The following CTNNA2 variants were observed in gnomAD, a reference collection of about 807,000 sequenced individuals.
CTNNA2 encodes the protein catenin alpha-2.
In CTNNA2, 42 loss-of-function variants were observed where a neutral mutation model predicts 101.0. The ratio of observed to expected loss-of-function variants is 0.42; its 90% CI spans 0.32 to 0.54. The LOEUF is 0.54. Ranked by LOEUF, CTNNA2 falls within the 20% of genes least tolerant of loss-of-function variation. The probability of loss-of-function intolerance (pLI) is 0.14; values close to 1 mark genes in which losing one functional copy is unlikely to be tolerated. For synonymous variants in CTNNA2, 450 were observed against 456.4 expected, an observed-to-expected ratio of 0.99 and a Z score of 0.18; for missense variants, 871 against 1,223.1, an observed-to-expected ratio of 0.71 and a Z score of 4.29.
intron 2 of CTNNA2, among the ~76,000 whole-genome samples, chr2:79,207,312 G>A (rs928251453): frequency 3.9e-5 from 6 of 152,062 alleles, no homozygotes; most frequent in East Asian, 1.9e-4. Context: ...TCAAAGCCCC[G>A]GTTTCACCTA....
chr2:80,256,827 A>G (rs1672201531), intron 7 of CTNNA2, among the ~76,000 whole-genome samples: 5 of 152,168 alleles, frequency 3.3e-5, no homozygotes, highest in Admixed American at 3.3e-4. Flanking sequence ...TCACAGCTTG[A>G]ACAACAAGAA....
chr2:80,305,904 T>G (rs1300347162), intron 7 of CTNNA2, among the ~76,000 whole-genome samples: 2 of 152,176 alleles, frequency 1.3e-5, no homozygotes, highest in African/African-American at 2.4e-5. Context: ...CTCCACTGTT[T>G]GAATTCCCAT....
intron 7 of CTNNA2, among the ~76,000 whole-genome samples, chr2:80,177,857 T>G (rs557104054): frequency 6.6e-6 from 1 of 152,298 alleles, no homozygotes; most frequent in African/African-American, 2.4e-5. Flanking sequence ...TGAATGAGTA[T>G]ATAATCACAC....
chr2:79,275,735 A>C (rs2104315483), intron 2 of CTNNA2, among the ~76,000 whole-genome samples: 1 of 152,202 alleles, frequency 6.6e-6, no homozygotes, highest in Non-Finnish European at 1.5e-5. Flanking sequence ...ATATAAAATT[A>C]ACTTTTATTT....
chr2:80,260,700 A>G (rs2149122283), intron 7 of CTNNA2, among the ~76,000 whole-genome samples: 1 of 152,350 alleles, frequency 6.6e-6, no homozygotes, highest in Admixed American at 6.5e-5. Flanking sequence ...AGCAGAAAAG[A>G]TAAGCCAAGT....
intron 2 of CTNNA2, among the ~76,000 whole-genome samples, chr2:79,666,154 T>C (rs901876157): frequency 6.6e-6 from 1 of 152,238 alleles, no homozygotes; most frequent in African/African-American, 2.4e-5. Flanking sequence ...ACTTTTGCAT[T>C]TTTTAAAAAT....
At chr2:79,945,384 A>T (rs1688427048) in intron 7 of CTNNA2, among the ~76,000 whole-genome samples, 3 of 152,098 alleles carry the variant, frequency 2.0e-5, no homozygotes. Context: ...AGGTAATAAT[A>T]CTCCTTGTAT....
chr2:79,781,518 A>G (rs1290927175), intron 3 of CTNNA2, among the ~76,000 whole-genome samples: 2 of 152,194 alleles, frequency 1.3e-5, no homozygotes, highest in East Asian at 1.9e-4. Context: ...GCTTTAGTGT[A>G]TAGCCCATTT....
chr2:79,670,463 C>G (rs1012864895), intron 2 of CTNNA2, among the ~76,000 whole-genome samples: 5 of 152,168 alleles, frequency 3.3e-5, no homozygotes, highest in Admixed American at 3.3e-4. Context: ...ACTCAGAAGA[C>G]TGACTCCATG....
At chr2:79,368,999 T>G (rs1296611990) in intron 3 of CTNNA2, among the ~76,000 whole-genome samples, 1 of 152,166 alleles carries the variant, frequency 6.6e-6, no homozygotes, top group Non-Finnish European at 1.5e-5. Flanking sequence ...TGCTTAACCT[T>G]AGCTGGGGGA....
chr2:79,331,723 G>T (rs1469041705), intron 3 of CTNNA2, among the ~76,000 whole-genome samples: 1 of 152,072 alleles, frequency 6.6e-6, no homozygotes, highest in Non-Finnish European at 1.5e-5. Context: ...AGGCTGTAGA[G>T]AAATTTTTCA....
At chr2:80,287,303 A>G (rs1281313703) in intron 7 of CTNNA2, among the ~76,000 whole-genome samples, 1 of 152,184 alleles carries the variant, frequency 6.6e-6, no homozygotes. Context: ...CAGAAAGACT[A>G]CCATCTTCCC....
At chr2:79,254,375 A>G (rs938526403) in intron 2 of CTNNA2, among the ~76,000 whole-genome samples, 3 of 152,068 alleles carry the variant, frequency 2.0e-5, no homozygotes, top group African/African-American at 7.2e-5. Context: ...AGTTCCCATG[A>G]ATGGTTTAGC....
At chr2:79,992,132 A>T (rs758894266) in intron 7 of CTNNA2, among the ~76,000 whole-genome samples, 2 of 152,192 alleles carry the variant, frequency 1.3e-5, no homozygotes, top group Non-Finnish European at 2.9e-5. Context: ...AATGTAATTT[A>T]TCTTTCAGAG....
At chr2:79,465,326 C>A (rs149549256) in intron 4 of CTNNA2, among the ~76,000 whole-genome samples, 3 of 152,138 alleles carry the variant, frequency 2.0e-5, no homozygotes, top group African/African-American at 7.2e-5. Flanking sequence ...GGGCTCTGTT[C>A]TGTTCCATTG....
At chr2:79,448,492 A>G in intron 4 of CTNNA2, among the ~76,000 whole-genome samples, 1 of 152,190 alleles carries the variant, frequency 6.6e-6, no homozygotes, top group Non-Finnish European at 1.5e-5. Flanking sequence ...TCAGGTAAAT[A>G]CAAGGTGCAT....
At chr2:79,933,693 G>T (rs1687603471) in intron 7 of CTNNA2, among the ~76,000 whole-genome samples, 4 of 152,090 alleles carry the variant, frequency 2.6e-5, no homozygotes, top group Admixed American at 2.6e-4. Flanking sequence ...GACCTCAGGT[G>T]ATCCACCTGC....
At chr2:79,573,654 A>C (rs1675604353) in intron 1 of CTNNA2, 1 of 152,256 alleles carries the variant, frequency 6.6e-6, no homozygotes, top group Admixed American at 6.5e-5. Flanking sequence ...TATTTTAGAA[A>C]ACTAAACAGA....
At position 79,455,428 on chromosome 2, in the gene CTNNA2, T is replaced by G. The variant is rs114466745; in HGVS notation, c.-134-49626T>G. Among the ~76,000 whole-genome samples, 833 of 152,238 alleles carry G rather than the reference T, an allele frequency of 5.5e-3. 6 individuals are homozygous for G. Among genetic ancestry groups the G allele is most frequent in the African/African-American group, 0.019 (774 of 41,540 alleles). ...GTTGCCATGGGCTGGCTGCATCCCA[T>G]GGCCAAAGGTCTCGGTCCCTGTCAG... On this transcript the variant is annotated intron_variant, in intron 4 of 21. Transcript: ENST00000466387.
Sources: allele counts gnomAD v4.1 joint callset (sites outside exome capture counted in the v4.1 genomes callset), GRCh38; gene constraint gnomAD v4.1.1; transcripts MANE v1.5; gene names NCBI Gene and HGNC (gene_info 2026-07-23, HGNC 2026-07-21).